SENP5: variants seen among roughly 807,000 people sequenced by gnomAD.
SENP5 encodes the protein SUMO specific peptidase 5, also known as sentrin-specific protease 5.
A neutral mutation model predicts 74.2 loss-of-function variants in SENP5; 21 were observed. That is an observed-to-expected ratio of 0.28 (90% CI 0.20 to 0.41). The LOEUF is 0.41. Among genes scored for constraint, SENP5 ranks in the 10% least tolerant of loss-of-function variants. SENP5 has a pLI of 1.00. For missense variants in SENP5, 717 were observed against 889.1 expected, an observed-to-expected ratio of 0.81 and a Z score of 2.46; for synonymous variants, 311 against 312.7, an observed-to-expected ratio of 0.99 and a Z score of 0.06.
At position 196,931,764 on chromosome 3, in the gene SENP5, C is replaced by A. The variant is rs144296733; in HGVS notation, c.*841C>A. On this transcript the variant is annotated 3_prime_UTR_variant, in exon 10 of 10. Transcript: ENST00000323460. ...AGTGGTCAAACAAATGAGAATGCAG[C>A]TGTTCTCAGAGTAATTTTTAAGTTG... 2.0e-3 allele frequency: 624 copies of A among 306,804 alleles called. 6 individuals are homozygous for A. The highest frequency in any genetic ancestry group is 0.013 in the African/African-American group (561 of 44,122). The allele number at this position is 306,804 out of a possible 1,614,324, so 19.0% of individuals were successfully genotyped here. A position where few individuals can be genotyped will look rare whatever the true frequency, so the allele number is the denominator to read the frequency against.
At chr3:196,874,109 T>A (rs1446528907) in intron 1 of SENP5, among the ~76,000 whole-genome samples, 1 of 149,882 alleles carries the variant, frequency 6.7e-6, no homozygotes, top group Admixed American at 6.7e-5. Context: ...GTTTGGGGCT[T>A]CAGTGAGCCA....
intron 1 of SENP5, among the ~76,000 whole-genome samples, chr3:196,875,957 C>G (rs992726593): frequency 6.6e-6 from 1 of 152,102 alleles, no homozygotes; most frequent in Non-Finnish European, 1.5e-5. Flanking sequence ...ATCCTGGGCT[C>G]AAGCGATACT....
chr3:196,898,370 A>C (rs1382370078), intron 2 of SENP5, among the ~76,000 whole-genome samples: 1 of 151,352 alleles, frequency 6.6e-6, no homozygotes, highest in Admixed American at 6.6e-5. Flanking sequence ...CTGGAGCGAA[A>C]GGATCACTTG....
chr3:196,868,533 C>T (rs951427564), intron 1 of SENP5, among the ~76,000 whole-genome samples: 2 of 152,224 alleles, frequency 1.3e-5, no homozygotes, highest in Non-Finnish European at 2.9e-5. Context: ...CGGTGGGAGA[C>T]GTCTTTTCCC....
chr3:196,879,932 G>A (rs565891389), intron 1 of SENP5, among the ~76,000 whole-genome samples: 5 of 152,122 alleles, frequency 3.3e-5, no homozygotes, highest in East Asian at 3.9e-4. Flanking sequence ...GCTTTGCTCC[G>A]AAGTTTTGTT....
At chr3:196,901,118 T>C (rs1390160721) in intron 5 of SENP5, among the ~76,000 whole-genome samples, 1 of 150,584 alleles carries the variant, frequency 6.6e-6, no homozygotes, top group East Asian at 2.0e-4. Context: ...TGGTCTTGGC[T>C]CACTGCAACC....
chr3:196,931,747 A>G lies in SENP5; in HGVS notation c.*824A>G. ...TTAACATCCATCAAACTAGTGGTCA[A>G]ACAAATGAGAATGCAGCTGTTCTCA... On this transcript the variant is annotated 3_prime_UTR_variant, in exon 10 of 10. Transcript: ENST00000323460. 1 of 285,778 alleles carries G rather than the reference A, an allele frequency of 3.5e-6. No individual in the cohort carries two copies. Among genetic ancestry groups the G allele is most frequent in the Admixed American group, 5.4e-5 (1 of 18,548 alleles). The allele number at this position is 285,778 out of a possible 1,614,324, so 17.7% of individuals were successfully genotyped here. A position where few individuals can be genotyped will look rare whatever the true frequency, so the allele number is the denominator to read the frequency against.
intron 1 of SENP5, among the ~76,000 whole-genome samples, chr3:196,881,782 T>C (rs954222519): frequency 3.0e-4 from 46 of 152,060 alleles, no homozygotes; most frequent in Non-Finnish European, 3.1e-4. Flanking sequence ...CTATTATTTT[T>C]AATTTTCAAG....
intron 2 of SENP5, among the ~76,000 whole-genome samples, chr3:196,898,604 C>T (rs115052027): frequency 6.6e-6 from 1 of 151,700 alleles, no homozygotes; most frequent in Non-Finnish European, 1.5e-5. Context: ...CCAAAAAATT[C>T]TATTTACTGT....
chr3:196,888,348 C>T (rs191164885), intron 2 of SENP5, among the ~76,000 whole-genome samples: 4 of 152,118 alleles, frequency 2.6e-5, no homozygotes, highest in East Asian at 1.9e-4. Flanking sequence ...TTTGGGAGGC[C>T]GAGGTGGGCG....
chr3:196,922,178 T>C (rs1412382063), intron 6 of SENP5, among the ~76,000 whole-genome samples: 1 of 152,240 alleles, frequency 6.6e-6, no homozygotes, highest in Non-Finnish European at 1.5e-5. Context: ...TAAACAGAGT[T>C]GTATGCATTT....
chr3:196,909,295 A>C (rs1182321634), intron 6 of SENP5, among the ~76,000 whole-genome samples: 1 of 152,236 alleles, frequency 6.6e-6, no homozygotes, highest in East Asian at 1.9e-4. Flanking sequence ...CAAAAAGCCC[A>C]GGACCAGATG....
chr3:196,886,102 T>G lies in SENP5; in HGVS notation c.921T>G (p.Phe307Leu). The G allele has an allele frequency of 6.2e-7, 1 of 1,614,234 alleles. No individual in the cohort carries two copies. The highest frequency in any genetic ancestry group is 1.6e-4 in the Middle Eastern group (1 of 6,062). ...KDPSCRHQPY[F>L]PDMDSSAVVK... ...CTTCTTGTCGGCATCAGCCGTACTT[T>G]CCAGATATGGACAGCAGTGCTGTGG... is the stretch of plus-strand genomic sequence containing the variant. Residue 307 changes from phenylalanine to leucine, a missense_variant, in exon 2 of 10, where the codon TTT becomes TTG. By Grantham distance (22) the Phe-to-Leu change is conservative. Transcript: ENST00000323460.
chr3:196,927,478 G>GTCC, intron 7 of SENP5, among the ~76,000 whole-genome samples: 1 of 152,050 alleles, frequency 6.6e-6, no homozygotes, highest in African/African-American at 2.4e-5. Flanking sequence ...CTGAAATAAA[G>GTCC]TCCCGGCTTT....
intron 6 of SENP5, among the ~76,000 whole-genome samples, chr3:196,918,223 C>T (rs1322436968): frequency 1.3e-4 from 19 of 151,142 alleles, no homozygotes; most frequent in African/African-American, 2.9e-4. Context: ...AGGAGAATGG[C>T]GTGAACCTGG....
intron 1 of SENP5, among the ~76,000 whole-genome samples, chr3:196,872,970 C>T (rs1024394988): frequency 2.6e-5 from 4 of 151,342 alleles, no homozygotes; most frequent in African/African-American, 7.3e-5. Context: ...TTATTTTTAG[C>T]GTCATATTCA....
intron 6 of SENP5, among the ~76,000 whole-genome samples, chr3:196,921,904 C>T (rs1023223785): frequency 1.3e-5 from 2 of 152,210 alleles, no homozygotes; most frequent in East Asian, 3.9e-4. Flanking sequence ...CTAAAAAATA[C>T]CTGAGAAGGG....
At chr3:196,896,636 A>G (rs1041811960) in intron 2 of SENP5, among the ~76,000 whole-genome samples, 1 of 152,142 alleles carries the variant, frequency 6.6e-6, no homozygotes, top group Non-Finnish European at 1.5e-5. Context: ...TAGTTTTAGC[A>G]TAGACAGGGT....
intron 6 of SENP5, among the ~76,000 whole-genome samples, chr3:196,906,875 T>C (rs545157633): frequency 7.9e-5 from 12 of 152,180 alleles, no homozygotes; most frequent in African/African-American, 1.2e-4. Context: ...GGGAGCAAAG[T>C]TGATGTGGGC....
Sources: allele counts gnomAD v4.1 joint callset (sites outside exome capture counted in the v4.1 genomes callset), GRCh38; gene constraint gnomAD v4.1.1; transcripts MANE v1.5; gene names NCBI Gene and HGNC (gene_info 2026-07-23, HGNC 2026-07-21).